Variants in BMPR1A observed in about 807,000 individuals in gnomAD.
The protein encoded by BMPR1A is bone morphogenetic protein receptor type-1A.
BMPR1A carries 7 observed loss-of-function variants against 66.0 expected under a neutral mutation model. The observed-to-expected ratio is 0.11, with a 90% CI of 0.06 to 0.20. The LOEUF (loss-of-function observed/expected upper bound fraction) is 0.20, where lower values mean the gene tolerates loss of function less well. Among genes scored for constraint, BMPR1A ranks in the 10% least tolerant of loss-of-function variants. BMPR1A has a pLI of 1.00. For synonymous variants in BMPR1A, 200 were observed against 229.7 expected (o/e 0.87, Z 1.17); for missense variants, 408 against 669.1 (o/e 0.61, Z 4.31).
In BMPR1A at chr10:86,926,613, T is replaced by A; in HGVS notation, c.*2894T>A. 5.5e-6 allele frequency: 1 copy of A among 180,656 alleles called. No individual in the cohort carries two copies. Among genetic ancestry groups the A allele is most frequent in the East Asian group, 9.1e-5 (1 of 10,930 alleles). 11.2% of individuals were successfully genotyped at this position (180,656 alleles called of 1,614,324 possible). ...CCACTCTTATTCTTAAATCTGAAGC[T>A]CATCGACTAAGTGAAATATTTAAAG... is the stretch of plus-strand genomic sequence containing the variant. On this transcript the variant is annotated 3_prime_UTR_variant, in exon 13 of 13. Coordinates refer to ENST00000372037, the MANE Select transcript of BMPR1A (RefSeq NM_004329.3).
chr10:86,868,073 C>T (rs1387631384), intron 2 of BMPR1A, among the ~76,000 whole-genome samples: 1 of 152,102 alleles, frequency 6.6e-6, no homozygotes, highest in East Asian at 1.9e-4. Context: ...GTGGAACTTC[C>T]CCATCCCTGT....
rs1240343381 is a variant in BMPR1A at position 86,852,787 on chromosome 10, G to T, written c.-153+13808G>T. Among the ~76,000 whole-genome samples, 7 of 152,138 alleles carry T rather than the reference G, an allele frequency of 4.6e-5. No individual in the cohort carries two copies. The South Asian group carries it at 1.0e-3, about 23-fold the overall frequency. ...GCACCGTTCCATGTTCTTTACAAAGGTTATCTCATTTAATCTTCACAAAGC... is the reference window on the plus strand; with the variant it reads ...GCACCGTTCCATGTTCTTTACAAAGTTTATCTCATTTAATCTTCACAAAGC... On this transcript the variant is annotated intron_variant, in intron 2 of 12. Coordinates refer to ENST00000372037, the MANE Select transcript of BMPR1A (RefSeq NM_004329.3).
At chr10:86,814,661 T>C (rs984620809) in intron 1 of BMPR1A, among the ~76,000 whole-genome samples, 2 of 152,216 alleles carry the variant, frequency 1.3e-5, no homozygotes, top group African/African-American at 2.4e-5. Flanking sequence ...TAGCTCATTT[T>C]GAAATACTAA....
At chr10:86,786,672 T>A (rs1239799269) in intron 1 of BMPR1A, among the ~76,000 whole-genome samples, 1 of 152,220 alleles carries the variant, frequency 6.6e-6, no homozygotes, top group Admixed American at 6.5e-5. Flanking sequence ...TTTGAAACCC[T>A]CTTTGTTTTA....
At chr10:86,836,526 A>G (rs1842349715) in intron 1 of BMPR1A, among the ~76,000 whole-genome samples, 1 of 152,148 alleles carries the variant, frequency 6.6e-6, no homozygotes, top group African/African-American at 2.4e-5. Flanking sequence ...GGCTGGGCAC[A>G]GTGGCTCATG....
chr10:86,858,215 C>T (rs1401825472), intron 2 of BMPR1A, among the ~76,000 whole-genome samples: 8 of 152,098 alleles, frequency 5.3e-5, no homozygotes, highest in Non-Finnish European at 1.2e-4. Context: ...ATGATGAAAC[C>T]TCTCAGCAAA....
intron 1 of BMPR1A, among the ~76,000 whole-genome samples, chr10:86,780,596 G>A (rs1479327652): frequency 2.0e-5 from 3 of 151,828 alleles, no homozygotes; most frequent in Non-Finnish European, 4.4e-5. Flanking sequence ...CACCACGCCC[G>A]GCTAATTTTT....
chr10:86,772,751 C>T (rs1439832421), intron 1 of BMPR1A, among the ~76,000 whole-genome samples: 1 of 152,032 alleles, frequency 6.6e-6, no homozygotes, highest in Admixed American at 6.6e-5. Flanking sequence ...TTGGTTATGG[C>T]ATGTAGACGT....
intron 3 of BMPR1A, among the ~76,000 whole-genome samples, chr10:86,883,617 A>G (rs894043670): frequency 4.2e-5 from 6 of 143,370 alleles, no homozygotes; most frequent in African/African-American, 1.5e-4. Context: ...CTAAAAATAC[A>G]AAAATTAGCC....
intron 2 of BMPR1A, chr10:86,856,322 G>GCC: frequency 2.3e-6 from 1 of 441,218 alleles, no homozygotes; most frequent in East Asian, 6.0e-5. Context: ...CTGGCCCTCT[G>GCC]CAGCCCAGGG....
intron 1 of BMPR1A, among the ~76,000 whole-genome samples, chr10:86,824,105 G>GTGTTTGTGTGTGTGTGTGTT (rs1554882220): frequency 1.7e-4 from 25 of 147,386 alleles, no homozygotes; most frequent in African/African-American, 5.7e-4. Flanking sequence ...GTGTGTGTGT[G>GTGTTTGTGTGTGTGTGTGTT]TGTGTGTTTC....
chr10:86,902,805 C>T (rs79098086), intron 7 of BMPR1A, among the ~76,000 whole-genome samples: 1 of 152,132 alleles, frequency 6.6e-6, no homozygotes, highest in Non-Finnish European at 1.5e-5. Flanking sequence ...TGTCTCAGTT[C>T]GAAGAGTTGT....
chr10:86,805,377 TACAC>T (rs60828047), intron 1 of BMPR1A, among the ~76,000 whole-genome samples: 119 of 143,038 alleles, frequency 8.3e-4, no homozygotes, highest in East Asian at 4.0e-3. Context: ...CTCCTACCTG[TACAC>T]ACACACACAC....
chr10:86,932,094 T>G (rs527475244), downstream of BMPR1A: 1 of 152,356 alleles, frequency 6.6e-6, no homozygotes, highest in African/African-American at 2.4e-5. Context: ...CATTGCACAA[T>G]TGCTTTGTCA....
At chr10:86,888,645 AG>A (rs1489217816) in intron 3 of BMPR1A, among the ~76,000 whole-genome samples, 2 of 151,816 alleles carry the variant, frequency 1.3e-5, no homozygotes, top group African/African-American at 4.8e-5. Context: ...TGAGCAGTAT[AG>A]GGAGACCTTG....
In BMPR1A at chr10:86,924,741, C is replaced by A. The variant is rs566789983; in HGVS notation, c.*1022C>A. On this transcript the variant is annotated 3_prime_UTR_variant, in exon 13 of 13. Transcript: ENST00000372037. Reference sequence around the variant, plus strand: ...TATAATGTGCTTTATTTGCAAATCACCCACTCCTTTACAACCATACTTTAT... The same window carrying A: ...TATAATGTGCTTTATTTGCAAATCAACCACTCCTTTACAACCATACTTTAT... 12 of 232,892 alleles carry A rather than the reference C, an allele frequency of 5.2e-5. No individual in the cohort carries two copies. Among genetic ancestry groups the A allele is most frequent in the Non-Finnish European group, 1.7e-5 (2 of 117,886 alleles). 14.4% of individuals were successfully genotyped at this position (232,892 alleles called of 1,614,324 possible). A position where few individuals can be genotyped will look rare whatever the true frequency, so the allele number is the denominator to read the frequency against.
chr10:86,864,638 T>C (rs1327521223), intron 2 of BMPR1A, among the ~76,000 whole-genome samples: 2 of 152,164 alleles, frequency 1.3e-5, no homozygotes, highest in East Asian at 1.9e-4. Context: ...AACTCAAGGA[T>C]AGAGCCCAAA....
intron 2 of BMPR1A, among the ~76,000 whole-genome samples, chr10:86,845,309 G>T (rs1284167790): frequency 6.6e-6 from 1 of 152,154 alleles, no homozygotes; most frequent in Non-Finnish European, 1.5e-5. Flanking sequence ...CAGCCCTGTG[G>T]GTGTCTTCTG....
At chr10:86,909,850 G>A (rs1294620104) in intron 7 of BMPR1A, among the ~76,000 whole-genome samples, 1 of 152,102 alleles carries the variant, frequency 6.6e-6, no homozygotes, top group Non-Finnish European at 1.5e-5. Flanking sequence ...TATAACACAA[G>A]GGTAGGGATA....
Sources: allele counts gnomAD v4.1 joint callset (sites outside exome capture counted in the v4.1 genomes callset), GRCh38; gene constraint gnomAD v4.1.1; transcripts MANE v1.5; gene names NCBI Gene and HGNC (gene_info 2026-07-23, HGNC 2026-07-21).